The following ZNF503 variants were observed in gnomAD, a reference collection of about 807,000 sequenced individuals.
ZNF503 encodes the protein zinc finger protein 503.
Under a neutral mutation model 34.4 loss-of-function variants are expected in ZNF503, and 15 were observed. The observed-to-expected ratio is 0.44, with a 90% CI of 0.29 to 0.67. The LOEUF (loss-of-function observed/expected upper bound fraction) is 0.67, where lower values mean the gene tolerates loss of function less well. ZNF503 is among the 30% of genes least tolerant of loss of function. The probability of loss-of-function intolerance (pLI) is 0.13; values close to 1 mark genes in which losing one functional copy is unlikely to be tolerated. For missense variants in ZNF503, 1,007 were observed against 926.8 expected (o/e 1.09, Z -1.12); for synonymous variants, 580 against 456.8 (o/e 1.27, Z -3.44).
the ZNF503 span, among the ~76,000 whole-genome samples, chr10:75,379,951 C>T: frequency 1.3e-5 from 2 of 152,118 alleles, no homozygotes; most frequent in Non-Finnish European, 2.9e-5. Flanking sequence ...GGGTGCACGC[C>T]ACACACCCAC....
the ZNF503 span, among the ~76,000 whole-genome samples, chr10:75,292,612 A>G: frequency 6.6e-6 from 1 of 152,212 alleles, no homozygotes; most frequent in Non-Finnish European, 1.5e-5. Flanking sequence ...TTGGTCCGAC[A>G]TGGTTCACAT....
At chr10:75,388,705 G>A in the ZNF503 span, among the ~76,000 whole-genome samples, 1 of 152,184 alleles carries the variant, frequency 6.6e-6, no homozygotes, top group Admixed American at 6.5e-5. Context: ...CAGTGAGGTT[G>A]CACAAGTGTA....
At position 75,400,093 on chromosome 10, in the gene ZNF503, C is replaced by G. The variant is rs758936897; in HGVS notation, c.597G>C (p.Gly199=). 1.0e-5 allele frequency: 16 copies of G among 1,545,750 alleles called. No individual in the cohort carries two copies. The East Asian group carries it at 2.2e-4, about 21-fold the overall frequency. Residue 199 remains glycine (G), a synonymous_variant, in exon 2 of 2, where the codon GGG becomes GGC. Coordinates refer to ENST00000372524, the MANE Select transcript of ZNF503 (RefSeq NM_032772.6). ...CCGACGAAACACCCCCGCCGCCGCC[C>G]CCGCCACCGCCACCGCCTCCACCGC... The part of the protein sequence containing the change: ...GGGGGGGGGG[G]GGGGGVSSEK...
chr10:75,381,514 T>G, the ZNF503 span, among the ~76,000 whole-genome samples: 1 of 152,192 alleles, frequency 6.6e-6, no homozygotes, highest in Non-Finnish European at 1.5e-5. Context: ...TGAGCCACTG[T>G]GTGTGGCCTG....
chr10:75,379,907 C>T, the ZNF503 span, among the ~76,000 whole-genome samples: 3 of 152,144 alleles, frequency 2.0e-5, no homozygotes, highest in East Asian at 5.8e-4. Context: ...GCAGGGGGTC[C>T]TCATCACGTG....
Position 75,398,879 on chromosome 10 carries a change from G to T in ZNF503, c.1811C>A (p.Pro604His). ...HALGLSSRYH[P>H]YSKSPLPTPG... is the part of the protein sequence containing the mutation. ...CGTGGGAAGCGGGCTCTTGGAGTAG[G>T]GGTGGTAGCGGCTGCTGAGTCCCAG... The change falls in exon 2 of 2, where the codon CCC (proline) becomes CAC (histidine). Residue 604 changes from proline (P) to histidine (H), a missense_variant. By Grantham distance (77) the Pro-to-His change is moderately conservative. Coordinates refer to ENST00000372524, the MANE Select transcript of ZNF503 (RefSeq NM_032772.6). The T allele has an allele frequency of 6.5e-7, 1 of 1,533,822 alleles. No homozygotes were observed. Among genetic ancestry groups the T allele is most frequent in the Non-Finnish European group, 8.7e-7 (1 of 1,143,840 alleles).
At chr10:75,302,254 C>T in the ZNF503 span, among the ~76,000 whole-genome samples, 2 of 152,186 alleles carry the variant, frequency 1.3e-5, no homozygotes, top group Non-Finnish European at 2.9e-5. Context: ...GTTGTTCTTC[C>T]ATACATGTGA....
chr10:75,398,712 TC>T lies in ZNF503; in HGVS notation c.*36del. ...TCTCCCTGGACTCCTCCCCTCCCCC[TC>T]TCCCTCCTCTCCCTCGCTCGCCCTC... On this transcript the variant is annotated 3_prime_UTR_variant, in exon 2 of 2. Coordinates refer to ENST00000372524, the MANE Select transcript of ZNF503 (RefSeq NM_032772.6). 1 of 1,348,744 alleles carries T rather than the reference TC, an allele frequency of 7.4e-7. No individual in the cohort carries two copies. Among genetic ancestry groups the T allele is most frequent in the Non-Finnish European group, 9.5e-7 (1 of 1,055,086 alleles). The allele number at this position is 1,348,744 out of a possible 1,614,324, so 83.5% of individuals were successfully genotyped here. A position where few individuals can be genotyped will look rare whatever the true frequency, so the allele number is the denominator to read the frequency against.
At chr10:75,343,723 A>T in the ZNF503 span, among the ~76,000 whole-genome samples, 2 of 152,170 alleles carry the variant, frequency 1.3e-5, no homozygotes, top group African/African-American at 4.8e-5. Context: ...CTAGCTGCAG[A>T]TTCTTTAGGG....
At chr10:75,349,357 T>C in the ZNF503 span, among the ~76,000 whole-genome samples, 1 of 152,226 alleles carries the variant, frequency 6.6e-6, no homozygotes, top group South Asian at 2.1e-4. Context: ...TTTTGGGGAA[T>C]GTCTTTGAGT....
the ZNF503 span, among the ~76,000 whole-genome samples, chr10:75,301,081 G>C: frequency 6.6e-6 from 1 of 151,996 alleles, no homozygotes; most frequent in East Asian, 1.9e-4. Flanking sequence ...TATGGTTACT[G>C]TTTGCTTGGG....
chr10:75,322,512 G>T, the ZNF503 span, among the ~76,000 whole-genome samples: 2 of 151,944 alleles, frequency 1.3e-5, no homozygotes, highest in African/African-American at 4.8e-5. Context: ...AACCACACAT[G>T]ATATAATTTT....
the ZNF503 span, among the ~76,000 whole-genome samples, chr10:75,309,506 A>T: frequency 6.6e-6 from 1 of 152,228 alleles, no homozygotes; most frequent in East Asian, 1.9e-4. Flanking sequence ...AAGACCCTCC[A>T]CCAACAAAAA....
At chr10:75,382,798 A>G in the ZNF503 span, 1 of 313,524 alleles carries the variant, frequency 3.2e-6, no homozygotes, top group Non-Finnish European at 6.4e-6. Flanking sequence ...AAGACTCCCA[A>G]ATCCTTGCAG....
At chr10:75,386,367 C>T in the ZNF503 span, among the ~76,000 whole-genome samples, 8 of 152,194 alleles carry the variant, frequency 5.3e-5, no homozygotes, top group African/African-American at 1.7e-4. Context: ...GAGACCATTA[C>T]CTGAGAGAGA....
the ZNF503 span, among the ~76,000 whole-genome samples, chr10:75,342,917 G>C: frequency 6.6e-6 from 1 of 152,082 alleles, no homozygotes; most frequent in African/African-American, 2.4e-5. Context: ...AAAGACAAAC[G>C]GTCACTTAAA....
At chr10:75,287,120 C>T in the ZNF503 span, among the ~76,000 whole-genome samples, 9 of 152,192 alleles carry the variant, frequency 5.9e-5, no homozygotes, top group Middle Eastern at 3.4e-3. Context: ...TCTCTGTCCC[C>T]GTGGGGTCAG....
At chr10:75,299,627 CG>C in the ZNF503 span, among the ~76,000 whole-genome samples, 1 of 152,092 alleles carries the variant, frequency 6.6e-6, no homozygotes, top group Non-Finnish European at 1.5e-5. Context: ...CAATATTTCA[CG>C]TAGGTTCTTT....
At chr10:75,310,555 A>G in the ZNF503 span, among the ~76,000 whole-genome samples, 9 of 152,272 alleles carry the variant, frequency 5.9e-5, no homozygotes, top group Non-Finnish European at 1.0e-4. Context: ...CTAAGTGAGG[A>G]GCTTATATTT....
Sources: gnomAD v4.1 joint callset for allele counts (sites outside exome capture counted in the v4.1 genomes callset) on GRCh38, gnomAD v4.1.1 for gene constraint, MANE v1.5 for transcripts, NCBI Gene and HGNC (gene_info 2026-07-23, HGNC 2026-07-21) for gene names.